Variants in SKAP2 observed in about 807,000 individuals in gnomAD.
The protein encoded by SKAP2 is src kinase associated phosphoprotein 2.
Under a neutral mutation model 54.9 loss-of-function variants are expected in SKAP2, and 28 were observed. That is an observed-to-expected ratio of 0.51 (90% CI 0.38 to 0.70). The LOEUF (loss-of-function observed/expected upper bound fraction) is 0.70, where lower values mean the gene tolerates loss of function less well. SKAP2 is among the 30% of genes least tolerant of loss of function. SKAP2 has a pLI of 0.00. For missense variants in SKAP2, 356 were observed against 424.1 expected, an observed-to-expected ratio of 0.84 and a Z score of 1.41; for synonymous variants, 137 against 134.3, an observed-to-expected ratio of 1.02 and a Z score of -0.14.
chr7:26,671,152 T>C (rs1215760461), intron 11 of SKAP2, among the ~76,000 whole-genome samples: 1 of 152,124 alleles, frequency 6.6e-6, no homozygotes, highest in Non-Finnish European at 1.5e-5. Flanking sequence ...ATCTCAAATT[T>C]ATTTATGTGT....
At chr7:26,762,647 C>G (rs867409541) in intron 4 of SKAP2, among the ~76,000 whole-genome samples, 10 of 151,554 alleles carry the variant, frequency 6.6e-5, no homozygotes, top group South Asian at 2.1e-4. Flanking sequence ...ACCATCCTGG[C>G]TAAGATGATG....
intron 4 of SKAP2, among the ~76,000 whole-genome samples, chr7:26,831,297 G>A (rs1260545494): frequency 1.3e-5 from 2 of 152,048 alleles, no homozygotes; most frequent in African/African-American, 2.4e-5. Flanking sequence ...AGAAGTACAA[G>A]GGTTCAAGAA....
intron 3 of SKAP2, among the ~76,000 whole-genome samples, chr7:26,851,433 G>T (rs1247421524): frequency 6.6e-5 from 10 of 152,004 alleles, no homozygotes; most frequent in African/African-American, 2.4e-4. Context: ...CGCAGAGTGA[G>T]AGACCCTGTC....
At chr7:26,660,079 C>A in the SKAP2 span, among the ~76,000 whole-genome samples, 1 of 152,038 alleles carries the variant, frequency 6.6e-6, no homozygotes, top group African/African-American at 2.4e-5. Context: ...AGAAATATTT[C>A]TCTTAAGCAG....
chr7:26,663,059 C>T (rs1456617315), downstream of SKAP2, among the ~76,000 whole-genome samples: 1 of 152,074 alleles, frequency 6.6e-6, no homozygotes, highest in Non-Finnish European at 1.5e-5. Flanking sequence ...CTGAGATCTA[C>T]TTGGGCAGCT....
At chr7:26,848,467 G>C (rs1445942217) in intron 3 of SKAP2, among the ~76,000 whole-genome samples, 1 of 152,020 alleles carries the variant, frequency 6.6e-6, no homozygotes. Context: ...ATTACAAGGT[G>C]TATATGAAAC....
At chr7:26,804,403 AC>A (rs1310911589) in intron 4 of SKAP2, among the ~76,000 whole-genome samples, 1 of 152,182 alleles carries the variant, frequency 6.6e-6, no homozygotes, top group African/African-American at 2.4e-5. Context: ...TTTATACCTT[AC>A]ATGATAATGT....
At chr7:26,707,732 C>A (rs564448584) in intron 9 of SKAP2, among the ~76,000 whole-genome samples, 2 of 152,158 alleles carry the variant, frequency 1.3e-5, no homozygotes, top group Admixed American at 6.5e-5. Flanking sequence ...ACAAATGAGA[C>A]CCCCAACAGC....
chr7:26,837,191 T>C (rs1466995197), intron 4 of SKAP2, among the ~76,000 whole-genome samples: 1 of 151,564 alleles, frequency 6.6e-6, no homozygotes, highest in African/African-American at 2.4e-5. Context: ...GTCAGGGGGT[T>C]GGGGGCTAGG....
At chr7:26,744,226 C>A (rs1285172861) in intron 4 of SKAP2, among the ~76,000 whole-genome samples, 1 of 151,750 alleles carries the variant, frequency 6.6e-6, no homozygotes, top group African/African-American at 2.4e-5. Context: ...TAAGTTTTAT[C>A]TTTTAAAAAG....
the SKAP2 span, among the ~76,000 whole-genome samples, chr7:26,655,125 G>A: frequency 6.6e-6 from 1 of 152,206 alleles, no homozygotes; most frequent in African/African-American, 2.4e-5. Flanking sequence ...AGGTAAGAAG[G>A]AACTCTTACA....
At chr7:26,718,819 A>T (rs1787517751) in intron 9 of SKAP2, among the ~76,000 whole-genome samples, 1 of 151,816 alleles carries the variant, frequency 6.6e-6, no homozygotes, top group South Asian at 2.1e-4. Flanking sequence ...TTTTTATTTT[A>T]TGCACATCAG....
At chr7:26,790,434 A>G (rs1376743037) in intron 4 of SKAP2, among the ~76,000 whole-genome samples, 2 of 152,208 alleles carry the variant, frequency 1.3e-5, no homozygotes, top group Non-Finnish European at 2.9e-5. Context: ...GAATTTTACA[A>G]TATGAGTCAT....
rs1056426708 is a variant in SKAP2, at chr7:26,741,118, T to C, written c.308-1154A>G. Among the ~76,000 whole-genome samples, 3 of 152,090 alleles carry C rather than the reference T, an allele frequency of 2.0e-5. No individual in the cohort carries two copies. In the South Asian group the frequency reaches 6.2e-4, roughly 32 times the overall value. On this transcript the variant is annotated intron_variant, in intron 4 of 12. Transcript: ENST00000345317. The stretch of plus-strand genomic sequence containing the variant: ...GAAATAGTTTCAGTACAACTTAGGA[T>C]AGAAAATGTGTTTGAGTACAAACAT...
intron 4 of SKAP2, among the ~76,000 whole-genome samples, chr7:26,779,021 A>C (rs1783371158): frequency 6.6e-6 from 1 of 152,028 alleles, no homozygotes; most frequent in Non-Finnish European, 1.5e-5. Context: ...CCACTAGTTG[A>C]AATGAACTAG....
intron 9 of SKAP2, among the ~76,000 whole-genome samples, chr7:26,701,760 A>C (rs962180865): frequency 6.6e-6 from 1 of 151,706 alleles, no homozygotes; most frequent in Non-Finnish European, 1.5e-5. Flanking sequence ...TAAATAAACA[A>C]ATAAATAAAT....
At chr7:26,656,370 G>T in the SKAP2 span, among the ~76,000 whole-genome samples, 1 of 152,056 alleles carries the variant, frequency 6.6e-6, no homozygotes, top group African/African-American at 2.4e-5. Flanking sequence ...TTGGATATTA[G>T]GTTTTAATTC....
At chr7:26,713,290 C>T (rs1787349756) in intron 9 of SKAP2, among the ~76,000 whole-genome samples, 1 of 152,210 alleles carries the variant, frequency 6.6e-6, no homozygotes, top group African/African-American at 2.4e-5. Flanking sequence ...CTCACATTAT[C>T]CTCTTATCTT....
At chr7:26,741,523 AGT>A (rs1259082643) in intron 4 of SKAP2, among the ~76,000 whole-genome samples, 1 of 151,420 alleles carries the variant, frequency 6.6e-6, no homozygotes, top group East Asian at 1.9e-4. Context: ...TGGGTAATAG[AGT>A]GAGACCCTGT....
Sources: gnomAD v4.1 joint callset for allele counts (sites outside exome capture counted in the v4.1 genomes callset) on GRCh38, gnomAD v4.1.1 for gene constraint, MANE v1.5 for transcripts, NCBI Gene and HGNC (gene_info 2026-07-23, HGNC 2026-07-21) for gene names.